SPPL3: variants seen among roughly 807,000 people sequenced by gnomAD.
SPPL3 encodes signal peptide peptidase like 3.
Under a neutral mutation model 42.4 loss-of-function variants are expected in SPPL3, and 5 were observed. The ratio of observed to expected loss-of-function variants is 0.12; its 90% CI spans 0.06 to 0.25. The LOEUF is 0.25. SPPL3 is among the 10% of genes least tolerant of loss of function. The pLI is 1.00. For missense variants in SPPL3, 235 were observed against 489.0 expected (o/e 0.48, Z 4.90); for synonymous variants, 195 against 181.8 (o/e 1.07, Z -0.58).
intron 3 of SPPL3, among the ~76,000 whole-genome samples, chr12:120,785,516 T>C (rs1376386317): frequency 6.6e-6 from 1 of 152,100 alleles, no homozygotes; most frequent in Non-Finnish European, 1.5e-5. Context: ...TAGAGTATTT[T>C]TGGTAGAGAA....
At chr12:120,805,190 A>G (rs1870446652) in intron 2 of SPPL3, among the ~76,000 whole-genome samples, 1 of 152,174 alleles carries the variant, frequency 6.6e-6, no homozygotes, top group South Asian at 2.1e-4. Context: ...ACTAAAACCC[A>G]CTGAATTGTA....
intron 1 of SPPL3, among the ~76,000 whole-genome samples, chr12:120,884,574 C>G (rs1384689481): frequency 6.7e-6 from 1 of 148,346 alleles, no homozygotes; most frequent in African/African-American, 2.5e-5. Flanking sequence ...AACCAACTGT[C>G]ACAATATATG....
intron 1 of SPPL3, among the ~76,000 whole-genome samples, chr12:120,822,730 G>A (rs1871110364): frequency 6.6e-6 from 1 of 152,120 alleles, no homozygotes; most frequent in African/African-American, 2.4e-5. Context: ...AATCTCCAAT[G>A]ACCCTGGGGG....
At chr12:120,808,671 A>T (rs979147125) in intron 2 of SPPL3, among the ~76,000 whole-genome samples, 1 of 152,248 alleles carries the variant, frequency 6.6e-6, no homozygotes, top group African/African-American at 2.4e-5. Context: ...TAAGATGAGT[A>T]ACACAACGAA....
At chr12:120,844,717 C>CA (rs1201266124) in intron 1 of SPPL3, among the ~76,000 whole-genome samples, 3 of 151,106 alleles carry the variant, frequency 2.0e-5, no homozygotes, top group Admixed American at 6.6e-5. Flanking sequence ...AAGCAAAAGA[C>CA]AAAAACCAAC....
intron 2 of SPPL3, among the ~76,000 whole-genome samples, chr12:120,799,885 A>C (rs1206624502): frequency 6.6e-6 from 1 of 152,216 alleles, no homozygotes; most frequent in Admixed American, 6.5e-5. Flanking sequence ...CTCACACTGC[A>C]CAGCTGACAG....
chr12:120,796,520 C>T (rs73229118), intron 2 of SPPL3, among the ~76,000 whole-genome samples: 6,355 of 152,230 alleles, frequency 0.042, 181 homozygotes, highest in South Asian at 0.11. Flanking sequence ...TTTCCTCATC[C>T]TGGGTCATGT....
At chr12:120,854,945 A>AG (rs1872402491) in intron 1 of SPPL3, among the ~76,000 whole-genome samples, 2 of 152,214 alleles carry the variant, frequency 1.3e-5, no homozygotes, top group African/African-American at 4.8e-5. Flanking sequence ...AGAACACGCC[A>AG]GGATTTTTAT....
rs1872310434 is a variant in SPPL3, at chr12:120,852,919, A to AT, written c.24-42034dup. ...TATATATATATATTTTTTAAGATGGATTTTCACTCTTGTCGCCCAGGCTGG... is the reference window on the plus strand; with the variant it reads ...TATATATATATATTTTTTAAGATGGATTTTTCACTCTTGTCGCCCAGGCTGG... On this transcript the variant is annotated intron_variant, in intron 1 of 10. Transcript: ENST00000353487. Among the ~76,000 whole-genome samples the AT allele has an allele frequency of 3.5e-5, 2 of 56,598 alleles. 1 individual carries two copies. The highest frequency in any genetic ancestry group is 1.1e-4 in the African/African-American group (2 of 18,940). The allele number at this position is 56,598 out of a possible 152,430, so 37.1% of individuals were successfully genotyped here. A position where few individuals can be genotyped will look rare whatever the true frequency, so the allele number is the denominator to read the frequency against.
At chr12:120,808,229 C>T (rs954054010) in intron 2 of SPPL3, among the ~76,000 whole-genome samples, 3 of 151,766 alleles carry the variant, frequency 2.0e-5, no homozygotes, top group Non-Finnish European at 4.4e-5. Context: ...CAGGTAGCGC[C>T]GCCATGCCCA....
At chr12:120,772,206 G>A (rs1169419811) in intron 6 of SPPL3, among the ~76,000 whole-genome samples, 1 of 152,084 alleles carries the variant, frequency 6.6e-6, no homozygotes, top group African/African-American at 2.4e-5. Context: ...ATTTTTAGTA[G>A]AGACAGGGTT....
chr12:120,820,212 T>C (rs1201214251), intron 1 of SPPL3, among the ~76,000 whole-genome samples: 1 of 151,968 alleles, frequency 6.6e-6, no homozygotes, highest in Non-Finnish European at 1.5e-5. Flanking sequence ...AAAAATTATA[T>C]GCAAAAAAAC....
chr12:120,843,126 G>A (rs1038533166), intron 1 of SPPL3, among the ~76,000 whole-genome samples: 1 of 152,076 alleles, frequency 6.6e-6, no homozygotes, highest in African/African-American at 2.4e-5. Flanking sequence ...CACAGTGAAC[G>A]GATCACAGTA....
chr12:120,850,773 G>A (rs894050529), intron 1 of SPPL3, among the ~76,000 whole-genome samples: 19 of 152,200 alleles, frequency 1.2e-4, no homozygotes, highest in Non-Finnish European at 2.8e-4. Flanking sequence ...TCTGAGGGAA[G>A]AATGTGTCCT....
intron 2 of SPPL3, among the ~76,000 whole-genome samples, chr12:120,792,468 C>T (rs1010388919): frequency 7.9e-5 from 12 of 151,860 alleles, no homozygotes; most frequent in African/African-American, 2.4e-4. Context: ...TTGGGAGCCC[C>T]AGGCGGGCAG....
intron 6 of SPPL3, among the ~76,000 whole-genome samples, chr12:120,777,490 A>C (rs1869364856): frequency 3.9e-5 from 6 of 152,186 alleles, no homozygotes; most frequent in Admixed American, 3.9e-4. Flanking sequence ...AATTCAACAA[A>C]TGCTACTCTC....
intron 1 of SPPL3, chr12:120,845,157 G>C (rs773172008): frequency 3.5e-5 from 16 of 461,882 alleles, no homozygotes; most frequent in Non-Finnish European, 6.9e-5. Flanking sequence ...GTCCTTGATA[G>C]AGCCCGTCGC....
At chr12:120,892,118 A>G (rs922241080) in intron 1 of SPPL3, among the ~76,000 whole-genome samples, 1 of 152,224 alleles carries the variant, frequency 6.6e-6, no homozygotes, top group African/African-American at 2.4e-5. Context: ...CCTTGTCACC[A>G]TATTTTTAGG....
intron 6 of SPPL3, among the ~76,000 whole-genome samples, chr12:120,772,075 A>G (rs1869144573): frequency 6.6e-6 from 1 of 152,114 alleles, no homozygotes; most frequent in African/African-American, 2.4e-5. Context: ...AGGCTGCAGT[A>G]CAATGGTGCA....
Sources: gnomAD v4.1 joint callset for allele counts (sites outside exome capture counted in the v4.1 genomes callset) on GRCh38, gnomAD v4.1.1 for gene constraint, MANE v1.5 for transcripts, NCBI Gene and HGNC (gene_info 2026-07-23, HGNC 2026-07-21) for gene names.